COL18A1: variants seen among roughly 807,000 people sequenced by gnomAD.
COL18A1 encodes the protein collagen alpha-1(XVIII) chain.
A neutral mutation model predicts 168.0 loss-of-function variants in COL18A1; 133 were observed. The ratio of observed to expected loss-of-function variants is 0.79; its 90% CI spans 0.69 to 0.91. The LOEUF (loss-of-function observed/expected upper bound fraction) is 0.91. Among genes scored for constraint, COL18A1 ranks in the 40% least tolerant of loss-of-function variants. The probability of loss-of-function intolerance (pLI) is 0.00; values close to 1 mark genes in which losing one functional copy is unlikely to be tolerated. For missense variants in COL18A1, 2,126 were observed against 1,925.4 expected (o/e 1.10, Z -1.95); for synonymous variants, 949 against 809.0 (o/e 1.17, Z -2.94).
intron 36 of COL18A1, 52 bp downstream of exon 36, chr21:45,505,483 T>A: frequency 1.1e-6 from 1 of 944,390 alleles, no homozygotes; most frequent in Non-Finnish European, 1.7e-6. Context: ...CCTGGCTGGT[T>A]CTGCAGCCCC....
At position 45,447,320 on chromosome 21, in the gene COL18A1, C is replaced by CA. The variant is rs201405692; in HGVS notation, c.107-20915dup. ...ATTACAGTTTTTTCTAAGTAATCCA[C>CA]AAAAAAACTATTAGAACCAATAAAT... is the stretch of plus-strand genomic sequence containing the variant. On this transcript the variant is annotated intron_variant, in intron 2 of 41. Transcript: ENST00000651438. Among the ~76,000 whole-genome samples the CA allele has an allele frequency of 5.8e-3, 877 of 151,812 alleles. 13 individuals are homozygous for CA. Among genetic ancestry groups the CA allele is most frequent in the African/African-American group, 0.02 (841 of 41,428 alleles).
At chr21:45,421,611 C>A (rs756713935) in intron 2 of COL18A1, 1 of 532,970 alleles carries the variant, frequency 1.9e-6, no homozygotes, top group South Asian at 1.4e-5. Context: ...TCTTCTCTTG[C>A]CTGCAGGCCT....
Position 45,457,247 on chromosome 21 carries a change from G to C in COL18A1, c.107-10995G>C, listed in dbSNP as rs527318636. Among the ~76,000 whole-genome samples, 3 of 152,194 alleles carry C rather than the reference G, an allele frequency of 2.0e-5. No individual in the cohort carries two copies. The highest frequency in any genetic ancestry group is 7.2e-5 in the African/African-American group (3 of 41,456). On this transcript the variant is annotated intron_variant, in intron 2 of 41. Transcript: ENST00000651438. The surrounding 1 kb of genome is among the most constrained non-coding windows in gnomAD (Gnocchi z 4.6). The stretch of plus-strand genomic sequence containing the variant: ...GTGGCGTGACTCACCCCAGGGAGCC[G>C]AGATTCCCGCTCAGGTGTGGCTGCA...
intron 37 of COL18A1, chr21:45,506,266 A>G (rs1404099555): frequency 2.4e-6 from 1 of 424,416 alleles, no homozygotes; most frequent in African/African-American, 2.0e-5. Context: ...CACACCCGAT[A>G]ATAAGACAAG....
intron 2 of COL18A1, among the ~76,000 whole-genome samples, chr21:45,451,170 G>C (rs1301446549): frequency 2.6e-5 from 4 of 152,244 alleles, no homozygotes; most frequent in Admixed American, 2.6e-4. Context: ...CATGGCTACA[G>C]CTTCCAACGG....
chr21:45,460,741 A>AGG (rs2035012737), intron 2 of COL18A1, among the ~76,000 whole-genome samples: 1 of 152,204 alleles, frequency 6.6e-6, no homozygotes, highest in Non-Finnish European at 1.5e-5. Flanking sequence ...ACTCATGCTT[A>AGG]TCTCTCACCG....
At chr21:45,503,917 C>T (rs977009776) in intron 32 of COL18A1, 94 bp from the exon 33 acceptor site, 138 of 1,340,372 alleles carry the variant, frequency 1.0e-4, no homozygotes, top group Admixed American at 1.9e-4. Context: ...GCTAGAAGGG[C>T]CTCAGGCAAA....
chr21:45,482,381 C>T (rs768389925), intron 14 of COL18A1: 20 of 645,410 alleles, frequency 3.1e-5, no homozygotes, highest in East Asian at 9.4e-5. Context: ...GTGGACCTGG[C>T]GGGAGTCGCC....
At chr21:45,416,423 C>T (rs755478779) in intron 2 of COL18A1, among the ~76,000 whole-genome samples, 95 of 150,970 alleles carry the variant, frequency 6.3e-4, no homozygotes, top group Non-Finnish European at 1.0e-4. Context: ...GTGTGGGGAC[C>T]GCGAGGCTCC....
In COL18A1 at chr21:45,510,474, C is replaced by T. The variant is rs73907570; in HGVS notation, c.3693+213C>T. Among the ~76,000 whole-genome samples the T allele has an allele frequency of 1.2e-3, 186 of 152,286 alleles. 1 individual carries two copies. The highest frequency in any genetic ancestry group is 4.1e-3 in the African/African-American group (169 of 41,572). On this transcript the variant is annotated intron_variant, in intron 40 of 41. Transcript: ENST00000651438. Reference sequence around the variant, plus strand: ...TGCATCCCTGGGCACTGCCACGTCCCCCAGGGCATCCCATGAGGCCCCCCC... The same window carrying T: ...TGCATCCCTGGGCACTGCCACGTCCTCCAGGGCATCCCATGAGGCCCCCCC...
At chr21:45,488,358 G>A in intron 17 of COL18A1, 60 bp from the exon 18 acceptor site, 1 of 1,612,246 alleles carries the variant, frequency 6.2e-7, no homozygotes. Context: ...TCTTGCGGCA[G>A]ACGCATCTCA....
rs1314705614 is a variant in COL18A1 at position 45,490,284 on chromosome 21, G to C, written c.1969G>C (p.Gly657Arg). 1 of 1,585,238 alleles carries C rather than the reference G, an allele frequency of 6.3e-7. No homozygotes were observed. The highest frequency in any genetic ancestry group is 8.6e-7 in the Non-Finnish European group (1 of 1,166,556). ...PGLPGAKGEV[G>R]ADGVPGFPGL... ...CATGTGACCCTTTCAGGGAGAAGTT[G>C]GAGCAGATGGAGTCCCCGGGTTCCC... The change falls in exon 20 of 42, where the codon GGA becomes CGA. Residue 657 changes from glycine (G) to arginine (R), a missense_variant. By Grantham distance (125) the Gly-to-Arg change is moderately radical. Coordinates refer to ENST00000651438, the MANE Select transcript of COL18A1 (RefSeq NM_001379500.1).
At position 45,505,346 on chromosome 21, in the gene COL18A1, T is replaced by C. The variant is rs2037132496; in HGVS notation, c.3014-12T>C. On this transcript the variant is annotated splice_polypyrimidine_tract_variant and intron_variant, in intron 35 of 41. Transcript: ENST00000651438. Reference sequence around the variant, plus strand: ...GTGGCTTCGTGTTCCCACCTTGGTTTCTCTCCTGCAGCTATCAGCGTTCCC... The same window carrying C: ...GTGGCTTCGTGTTCCCACCTTGGTTCCTCTCCTGCAGCTATCAGCGTTCCC... 2 of 1,595,254 alleles carry C rather than the reference T, an allele frequency of 1.3e-6. No homozygotes were observed. The highest frequency in any genetic ancestry group is 2.2e-5 in the South Asian group (2 of 90,514).
Position 45,405,399 on chromosome 21 carries a change from G to C in COL18A1, c.32G>C (p.Arg11Pro). 2 of 1,315,394 alleles carry C rather than the reference G, an allele frequency of 1.5e-6. No homozygotes were observed. Among genetic ancestry groups the C allele is most frequent in the Non-Finnish European group, 1.9e-6 (2 of 1,029,152 alleles). 81.5% of individuals were successfully genotyped at this position (1,315,394 alleles called of 1,614,324 possible). A position where few individuals can be genotyped will look rare whatever the true frequency, so the allele number is the denominator to read the frequency against. MAPRCPWPWP[R>P]RRRLLDVLAP... is the part of the protein sequence containing the mutation. ...CGCAGGTGCCCCTGGCCATGGCCGC[G>C]GCGGCGGCGCCTCCTGGACGTGCTC... is the stretch of plus-strand genomic sequence containing the variant. The change falls in exon 2 of 42, where the codon CGG (arginine) becomes CCG (proline). Residue 11 changes from arginine (R) to proline (P), a missense_variant. Coordinates refer to ENST00000651438, the MANE Select transcript of COL18A1 (RefSeq NM_001379500.1).
In COL18A1 at chr21:45,505,916, G is replaced by A. The variant is rs944314178; in HGVS notation, c.3166G>A (p.Glu1056Lys). ...VPEGWLIFVA[E>K]QEELYVRVQN... ...CGAGGGCTGGCTCATCTTCGTGGCC[G>A]AGCAGGAGGAGCTCTACGTCCGCGT... is the stretch of plus-strand genomic sequence containing the variant. The change falls in exon 37 of 42, where the codon GAG (glutamate) becomes AAG (lysine). Residue 1056 changes from glutamate (E) to lysine (K), a missense_variant. Physicochemically the swap from Glu to Lys is moderately conservative, Grantham distance 56. Coordinates refer to ENST00000651438, the MANE Select transcript of COL18A1 (RefSeq NM_001379500.1). 7.6e-5 allele frequency: 123 copies of A among 1,612,982 alleles called. No homozygotes were observed. The highest frequency in any genetic ancestry group is 4.2e-4 in the East Asian group (19 of 44,890).
chr21:45,442,821 C>G lies in COL18A1; in HGVS notation c.107-25421C>G, dbSNP rs1407273320. 1.5e-3 allele frequency among the ~76,000 whole-genome samples: 88 copies of G among 58,724 alleles called. 2 individuals carry two copies. Among genetic ancestry groups the G allele is most frequent in the African/African-American group, 2.5e-3 (41 of 16,176 alleles). The allele number at this position is 58,724 out of a possible 152,430, so 38.5% of individuals were successfully genotyped here. On this transcript the variant is annotated intron_variant, in intron 2 of 41. Coordinates refer to ENST00000651438, the MANE Select transcript of COL18A1 (RefSeq NM_001379500.1). ...TGGTGGTGCTGGTGTGGGCGGAGGT[C>G]CTGGTGTGGGCGGCGGTCCTGGTGT...
intron 15 of COL18A1, among the ~76,000 whole-genome samples, chr21:45,483,079 G>A (rs912005892): frequency 2.6e-5 from 4 of 152,260 alleles, no homozygotes; most frequent in Admixed American, 6.5e-5. Flanking sequence ...GGTGAACTGA[G>A]AGTAGACGCG....
intron 2 of COL18A1, among the ~76,000 whole-genome samples, chr21:45,449,862 CAG>C (rs35238796): frequency 0.071 from 10,580 of 148,630 alleles, 502 homozygotes; most frequent in Middle Eastern, 0.11. Flanking sequence ...GCAGAGATGT[CAG>C]GGGGCACTCT....
rs370656151 is a variant in COL18A1, at chr21:45,505,380, G to A, written c.3036G>A (p.Pro1012=). The A allele has an allele frequency of 3.1e-3, 4,971 of 1,585,962 alleles. 12 individuals carry two copies. The highest frequency in any genetic ancestry group is 3.9e-3 in the Non-Finnish European group (4,464 of 1,158,822). Residue 1012 remains proline, a synonymous_variant, in exon 36 of 42, where the codon CCG becomes CCA. Coordinates refer to ENST00000651438, the MANE Select transcript of COL18A1 (RefSeq NM_001379500.1). ...HRQTISVPGP[P]GPPGPPGPPG... Reference sequence around the variant, plus strand: ...CAGCTATCAGCGTTCCCGGCCCTCCGGGCCCCCCTGGGCCCCCTGGGCCCC... The same window carrying A: ...CAGCTATCAGCGTTCCCGGCCCTCCAGGCCCCCCTGGGCCCCCTGGGCCCC...
Sources: gnomAD v4.1 joint callset for allele counts (sites outside exome capture counted in the v4.1 genomes callset) on GRCh38, gnomAD v4.1.1 for gene constraint, Gnocchi (gnomAD v3.1) non-coding constraint, MANE v1.5 for transcripts, NCBI Gene and HGNC (gene_info 2026-07-23, HGNC 2026-07-21) for gene names.